The following CROCC2 variants were observed in gnomAD, a reference collection of about 807,000 sequenced individuals.
CROCC2 encodes ciliary rootlet coiled-coil protein 2.
CROCC2 carries 163 observed loss-of-function variants against 177.6 expected under a neutral mutation model. That is an observed-to-expected ratio of 0.92 (90% CI 0.81 to 1.05). CROCC2 has a LOEUF of 1.05. Among genes scored for constraint, CROCC2 ranks in the 50% least tolerant of loss-of-function variants. The pLI is 0.00. For synonymous variants in CROCC2, 904 were observed against 787.3 expected (o/e 1.15, Z -2.48); for missense variants, 1,929 against 1,797.8 (o/e 1.07, Z -1.32).
rs2059698804 is a variant in CROCC2 at position 240,968,335 on chromosome 2, A to G, written c.4401+73A>G. On this transcript the variant is annotated intron_variant, in intron 27 of 31. Transcript: ENST00000690015. ...CCTCTCGGTCACCCTCACACCCTGCAGGGAGGCCACAGGGCCGGGAGGTGG... is the reference window on the plus strand; with the variant it reads ...CCTCTCGGTCACCCTCACACCCTGCGGGGAGGCCACAGGGCCGGGAGGTGG... 2.8e-6 allele frequency: 4 copies of G among 1,427,628 alleles called. No individual in the cohort carries two copies. The South Asian group carries it at 4.3e-5, about 15-fold the overall frequency. The allele number at this position is 1,427,628 out of a possible 1,614,324, so 88.4% of individuals were successfully genotyped here. A position where few individuals can be genotyped will look rare whatever the true frequency, so the allele number is the denominator to read the frequency against.
At chr2:240,969,533 C>T (rs1165233368) in intron 27 of CROCC2, among the ~76,000 whole-genome samples, 1 of 152,192 alleles carries the variant, frequency 6.6e-6, no homozygotes, top group African/African-American at 2.4e-5. Flanking sequence ...TGTGGAAAGA[C>T]CCAGGCGGCC....
intron 1 of CROCC2, among the ~76,000 whole-genome samples, chr2:240,916,901 G>C (rs2059324977): frequency 6.6e-6 from 1 of 152,154 alleles, no homozygotes; most frequent in Non-Finnish European, 1.5e-5. Flanking sequence ...GCAAAATAAG[G>C]GGTTTAGAAC....
rs1211105579 is a variant in CROCC2 at position 240,967,393 on chromosome 2, G to T, written c.4195G>T (p.Ala1399Ser). ...GACCCTGAGCAGCCGGCTGAGCGAG[G>T]CAGAGTGCAGGTGTGCCCGGGCCCA... ...MATLSSRLSE[A>S]ECRCARAQSR... Residue 1399 changes from alanine (A) to serine (S), a missense_variant, in exon 26 of 32, where the codon GCA becomes TCA. This residue lies in a region of CROCC2 where 388 missense variants were observed against 352.7 expected (regional missense o/e 1.10). Coordinates refer to ENST00000690015, the MANE Select transcript of CROCC2 (RefSeq NM_001351305.2). 2 of 867,556 alleles carry T rather than the reference G, an allele frequency of 2.3e-6. No individual in the cohort carries two copies. Among genetic ancestry groups the T allele is most frequent in the Non-Finnish European group, 3.8e-6 (2 of 523,502 alleles). The allele number at this position is 867,556 out of a possible 1,614,324, so 53.7% of individuals were successfully genotyped here. A position where few individuals can be genotyped will look rare whatever the true frequency, so the allele number is the denominator to read the frequency against.
rs1003697284 is a variant in CROCC2, at chr2:240,966,260, G to C, written c.3997G>C (p.Gly1333Arg). The change falls in exon 25 of 32, where the codon GGT becomes CGT. Residue 1333 changes from glycine to arginine, a missense_variant. This residue lies in a region of CROCC2 where 388 missense variants were observed against 352.7 expected (regional missense o/e 1.10). Coordinates refer to ENST00000690015, the MANE Select transcript of CROCC2 (RefSeq NM_001351305.2). ...CTCCCAGGCTCTCCCTGGGCAACAG[G>C]GTACCAGCCCCCCAGCCAGGCCCCA... ...DSSQALPGQQ[G>R]TSPPARPHSP... is the part of the protein sequence containing the mutation. The C allele has an allele frequency of 4.9e-6, 3 of 618,006 alleles. No homozygotes were observed. The highest frequency in any genetic ancestry group is 7.1e-6 in the Non-Finnish European group (3 of 424,362). The allele number at this position is 618,006 out of a possible 1,614,324, so 38.3% of individuals were successfully genotyped here.
In CROCC2 at chr2:240,989,808, A is replaced by G. The variant is rs1406002099; in HGVS notation, c.4838A>G (p.Gln1613Arg). Reference sequence around the variant, plus strand: ...GAGTCCCAAGAATGGACCCACCAGCAGCAGGTAAAGGTGCTGGAAGAGCAG... The same window carrying G: ...GAGTCCCAAGAATGGACCCACCAGCGGCAGGTAAAGGTGCTGGAAGAGCAG... The part of the protein sequence containing the change: ...ALESQEWTHQ[Q>R]QVKVLEEQVA... The change falls in exon 30 of 32, where the codon CAG (glutamine) becomes CGG (arginine). Residue 1613 changes from glutamine to arginine, a missense_variant. By Grantham distance (43) the Gln-to-Arg change is conservative. Coordinates refer to ENST00000690015, the MANE Select transcript of CROCC2 (RefSeq NM_001351305.2). The G allele has an allele frequency of 1.3e-6, 2 of 1,547,130 alleles. No individual in the cohort carries two copies. The highest frequency in any genetic ancestry group is 1.7e-6 in the Non-Finnish European group (2 of 1,144,398).
At chr2:240,974,406 A>T (rs2059744749) in intron 27 of CROCC2, among the ~76,000 whole-genome samples, 1 of 145,440 alleles carries the variant, frequency 6.9e-6, no homozygotes, top group Non-Finnish European at 1.5e-5. Flanking sequence ...CAGTGGCATG[A>T]TTTCGGCTCA....
intron 27 of CROCC2, among the ~76,000 whole-genome samples, chr2:240,975,313 G>A (rs1312428609): frequency 6.6e-6 from 1 of 152,338 alleles, no homozygotes; most frequent in Admixed American, 6.5e-5. Flanking sequence ...TCTGGCCCCA[G>A]AGTCCCACTG....
chr2:240,964,718 G>T, intron 22 of CROCC2, 93 bp downstream of exon 22: 2 of 1,417,370 alleles, frequency 1.4e-6, no homozygotes, highest in Non-Finnish European at 1.9e-6. Flanking sequence ...CCCTGGCCTT[G>T]CTGCCGCCTT....
intron 22 of CROCC2, 99 bp downstream of exon 22, chr2:240,964,724 G>A (rs1013620125): frequency 3.0e-5 from 41 of 1,376,892 alleles, no homozygotes; most frequent in South Asian, 2.2e-4. Context: ...CCTTGCTGCC[G>A]CCTTTGAACC....
chr2:240,931,544 C>T (rs2059431209), intron 7 of CROCC2, among the ~76,000 whole-genome samples: 1 of 152,232 alleles, frequency 6.6e-6, no homozygotes, highest in Non-Finnish European at 1.5e-5. Context: ...CCCACGCCCT[C>T]TCTGGGGGTC....
intron 14 of CROCC2, among the ~76,000 whole-genome samples, chr2:240,944,007 A>G (rs1574766278): frequency 1.3e-5 from 2 of 152,134 alleles, no homozygotes; most frequent in African/African-American, 4.8e-5. Flanking sequence ...TTTAGATGGG[A>G]GGGTTGGTTT....
chr2:240,935,099 C>G lies in CROCC2; in HGVS notation c.1938+37C>G, dbSNP rs750820605. The G allele has an allele frequency of 1.5e-4, 204 of 1,324,826 alleles. 1 individual carries two copies. Among genetic ancestry groups the G allele is most frequent in the Middle Eastern group, 2.0e-4 (1 of 5,056 alleles). 82.1% of individuals were successfully genotyped at this position (1,324,826 alleles called of 1,614,324 possible). ...GCCAGTGGGGCGGGCCTCGCTGGAA[C>G]CTGTTTCCCAGGTGGCTGTGGGTCT... On this transcript the variant is annotated intron_variant, in intron 13 of 31. Transcript: ENST00000690015.
intron 1 of CROCC2, among the ~76,000 whole-genome samples, chr2:240,911,257 G>A (rs574500427): frequency 7.3e-5 from 11 of 150,458 alleles, no homozygotes; most frequent in African/African-American, 1.2e-4. Context: ...AAGCACATTC[G>A]TAGCGTTGAG....
In CROCC2 at chr2:240,973,236, G is replaced by A. The variant is rs1205619527; in HGVS notation, c.4401+4974G>A. On this transcript the variant is annotated intron_variant, in intron 27 of 31. Coordinates refer to ENST00000690015, the MANE Select transcript of CROCC2 (RefSeq NM_001351305.2). This position sits in a 1 kb window ranked among gnomAD's most constrained non-coding sequence, Gnocchi z 4.7. The stretch of plus-strand genomic sequence containing the variant: ...TATGCAAACAGTAAGATTCTTGTTT[G>A]AGAGCAAATCCCTCCCCGTTTCCAA... Among the ~76,000 whole-genome samples the A allele has an allele frequency of 6.6e-6, 1 of 152,210 alleles. No homozygotes were observed. The highest frequency in any genetic ancestry group is 1.9e-4 in the East Asian group (1 of 5,200).
At chr2:240,944,282 T>C (rs771349867) in intron 14 of CROCC2, among the ~76,000 whole-genome samples, 2 of 152,254 alleles carry the variant, frequency 1.3e-5, no homozygotes, top group Non-Finnish European at 2.9e-5. Flanking sequence ...CTAAGTTGTA[T>C]ATATGTGACA....
intron 5 of CROCC2, among the ~76,000 whole-genome samples, chr2:240,928,086 CA>C (rs1207780991): frequency 5.3e-5 from 8 of 152,226 alleles, no homozygotes; most frequent in Admixed American, 5.2e-4. Flanking sequence ...GGTTTCTGAT[CA>C]TGGTCCTTTG....
intron 20 of CROCC2, among the ~76,000 whole-genome samples, chr2:240,962,883 C>T (rs1461818297): frequency 6.6e-6 from 1 of 151,738 alleles, no homozygotes; most frequent in African/African-American, 2.4e-5. Context: ...CCGGACCCCA[C>T]CCCTGGGTTC....
In CROCC2 at chr2:240,963,700, G is replaced by A. The variant is rs774059178; in HGVS notation, c.3232G>A (p.Glu1078Lys). ...CCGGGCGCTGAGTGACGAGGCCCGCGAGAAGGACGTACTGTTGCTTTTCAA... is the reference window on the plus strand; with the variant it reads ...CCGGGCGCTGAGTGACGAGGCCCGCAAGAAGGACGTACTGTTGCTTTTCAA... ...ARRALSDEAR[E>K]KDVLLLFNSE... Residue 1078 changes from glutamate (E) to lysine (K), a missense_variant, in exon 21 of 32, where the codon GAG (glutamate) becomes AAG (lysine). Glu to Lys is a moderately conservative substitution (Grantham distance 56). Around this residue, in one of 3 missense-constraint regions of CROCC2, gnomAD observed 1,397 missense variants for 1,239.9 expected, o/e 1.13. Transcript: ENST00000690015. 48 of 1,550,328 alleles carry A rather than the reference G, an allele frequency of 3.1e-5. No homozygotes were observed. In the East Asian group the frequency reaches 4.4e-4, roughly 14 times the overall value.
rs544301706 is a variant in CROCC2, at chr2:240,974,850, G to C, written c.4401+6588G>C. 6.8e-4 allele frequency among the ~76,000 whole-genome samples: 104 copies of C among 152,210 alleles called. 3 individuals carry two copies. The highest frequency in any genetic ancestry group is 2.4e-3 in the African/African-American group (99 of 41,554). On this transcript the variant is annotated intron_variant, in intron 27 of 31. Coordinates refer to ENST00000690015, the MANE Select transcript of CROCC2 (RefSeq NM_001351305.2). ...TCTTTTCCTTTTTACCAGTTTTCTAGAAGTTTCCATTTTTATTTCTTCTTA... is the reference window on the plus strand; with the variant it reads ...TCTTTTCCTTTTTACCAGTTTTCTACAAGTTTCCATTTTTATTTCTTCTTA...
Sources: gnomAD v4.1 joint callset for allele counts (sites outside exome capture counted in the v4.1 genomes callset) on GRCh38, gnomAD v4.1.1 for gene constraint, gnomAD v4.1.1 regional missense constraint, Gnocchi (gnomAD v3.1) non-coding constraint, MANE v1.5 for transcripts, NCBI Gene and HGNC (gene_info 2026-07-23, HGNC 2026-07-21) for gene names.